The following CDCA8 variants were observed in gnomAD, a reference collection of about 807,000 sequenced individuals.
The protein encoded by CDCA8 is borealin.
Under a neutral mutation model 40.0 loss-of-function variants are expected in CDCA8, and 25 were observed. The ratio of observed to expected loss-of-function variants is 0.63; its 90% confidence interval spans 0.46 to 0.87. The LOEUF (loss-of-function observed/expected upper bound fraction) is 0.87. Among genes scored for constraint, CDCA8 ranks in the 40% least tolerant of loss-of-function variants. The pLI is 0.00. For missense variants in CDCA8, 280 were observed against 348.4 expected (o/e 0.80, Z 1.56); for synonymous variants, 111 against 126.5 (o/e 0.88, Z 0.82).
At chr1:37,703,954 A>T (rs183637869) in intron 7 of CDCA8, among the ~76,000 whole-genome samples, 1 of 152,162 alleles carries the variant, frequency 6.6e-6, no homozygotes, top group Non-Finnish European at 1.5e-5. Flanking sequence ...TTTTATTTTT[A>T]AAATATTTAT....
Position 37,705,514 on chromosome 1 carries a change from C to T in CDCA8, c.658C>T (p.Pro220Ser), listed in dbSNP as rs745560335. ...RIYNISGNGSPLADSKEIFLT... is the reference protein window; with the variant it reads ...RIYNISGNGSSLADSKEIFLT... ...TTACAACATCTCAGGGAATGGCAGC[C>T]CTCTTGCTGACAGCAAAGAGATCTT... The change falls in exon 8 of 10, where the codon CCT (proline) becomes TCT (serine). Residue 220 changes from proline (P) to serine (S), a missense_variant. Transcript: ENST00000373055. 3 of 1,613,860 alleles carry T rather than the reference C, an allele frequency of 1.9e-6. No homozygotes were observed. Among genetic ancestry groups the T allele is most frequent in the East Asian group, 2.2e-5 (1 of 44,882 alleles).
At chr1:37,705,687 C>T in intron 8 of CDCA8, 120 bp downstream of exon 8, 3 of 1,150,228 alleles carry the variant, frequency 2.6e-6, no homozygotes, top group East Asian at 2.5e-5. Flanking sequence ...TCCTGATCTC[C>T]ACACTTCTGC....
chr1:37,701,427 G>A (rs998262410), intron 5 of CDCA8, among the ~76,000 whole-genome samples: 1 of 152,152 alleles, frequency 6.6e-6, no homozygotes, highest in Non-Finnish European at 1.5e-5. Context: ...CCTTTGATTG[G>A]GCACCTGGGA....
At chr1:37,705,117 C>T (rs751163942) in intron 7 of CDCA8, among the ~76,000 whole-genome samples, 7 of 152,178 alleles carry the variant, frequency 4.6e-5, no homozygotes, top group South Asian at 2.1e-4. Context: ...GAAGCAGCCA[C>T]GCCTGGAAAC....
chr1:37,702,200 C>T lies in CDCA8; in HGVS notation c.488+382C>T, dbSNP rs1052622366. Among the ~76,000 whole-genome samples, 11 of 151,774 alleles carry T rather than the reference C, an allele frequency of 7.2e-5. No homozygotes were observed. The East Asian group carries it at 7.7e-4, about 11-fold the overall frequency. ...GGATTATAGGCATGTGCCACCATGC[C>T]GGCTAATTTTGTATTTTTAGTAGAT... On this transcript the variant is annotated intron_variant, in intron 6 of 9. Transcript: ENST00000373055.
chr1:37,700,278 C>T (rs1038720109), intron 4 of CDCA8, among the ~76,000 whole-genome samples, 158 bp from the exon 5 acceptor site: 1 of 152,220 alleles, frequency 6.6e-6, no homozygotes, highest in Admixed American at 6.5e-5. Flanking sequence ...GGTTAGTTTC[C>T]TTTGTCTAAA....
At chr1:37,701,843 T>A in intron 6 of CDCA8, 25 bp downstream of exon 6, 2 of 1,585,678 alleles carry the variant, frequency 1.3e-6, no homozygotes, top group Non-Finnish European at 1.7e-6. Context: ...AAAGTTGTGG[T>A]GTTTTGGGTT....
intron 8 of CDCA8, 67 bp from the exon 9 acceptor site, chr1:37,706,911 C>T: frequency 1.6e-6 from 2 of 1,235,714 alleles, no homozygotes; most frequent in South Asian, 1.2e-5. Context: ...TGCAGGATAT[C>T]AGGGGAACCT....
At chr1:37,704,868 G>C (rs760877824) in intron 7 of CDCA8, among the ~76,000 whole-genome samples, 1 of 151,616 alleles carries the variant, frequency 6.6e-6, no homozygotes. Context: ...GGCTGGTCTC[G>C]AACTCCTGAC....
chr1:37,700,605 A>G, intron 5 of CDCA8, 84 bp downstream of exon 5: 1 of 822,426 alleles, frequency 1.2e-6, no homozygotes, highest in Non-Finnish European at 2.1e-6. Flanking sequence ...TGTACACCAG[A>G]GCTCACAGTT....
At chr1:37,695,106 T>G in intron 2 of CDCA8, among the ~76,000 whole-genome samples, 1 of 152,122 alleles carries the variant, frequency 6.6e-6, no homozygotes, top group Non-Finnish European at 1.5e-5. Context: ...ATTCCAGCAC[T>G]TTGGGAGGCC....
In CDCA8 at chr1:37,696,253, A is replaced by C. The variant is rs1225794233; in HGVS notation, c.264+303A>C. ...AAGCGCCTGAGTCATTACACTATGC[A>C]TTGGCCTGCTAGATGATAAAGGTGT... On this transcript the variant is annotated intron_variant, in intron 3 of 9. Coordinates refer to ENST00000373055, the MANE Select transcript of CDCA8 (RefSeq NM_001256875.2). The surrounding 1 kb of genome is among the most constrained non-coding windows in gnomAD (Gnocchi z 5.0). 6.6e-6 allele frequency among the ~76,000 whole-genome samples: 1 copy of C among 152,170 alleles called. No homozygotes were observed. Among genetic ancestry groups the C allele is most frequent in the African/African-American group, 2.4e-5 (1 of 41,436 alleles).
chr1:37,701,098 G>A (rs943191844), intron 5 of CDCA8, among the ~76,000 whole-genome samples: 3 of 152,146 alleles, frequency 2.0e-5, no homozygotes, highest in Non-Finnish European at 4.4e-5. Context: ...AGGACATCTA[G>A]GCTAGACAGA....
chr1:37,704,994 C>T (rs186577713), intron 7 of CDCA8, among the ~76,000 whole-genome samples: 1 of 152,252 alleles, frequency 6.6e-6, no homozygotes, highest in Non-Finnish European at 1.5e-5. Flanking sequence ...GAATATGTAA[C>T]AAAAGGCATT....
chr1:37,694,840 A>T (rs552075055), intron 2 of CDCA8, among the ~76,000 whole-genome samples: 3 of 152,364 alleles, frequency 2.0e-5, no homozygotes, highest in Non-Finnish European at 4.4e-5. Flanking sequence ...AGGAGGTTCT[A>T]ACCTAACTTT....
chr1:37,699,244 GA>G (rs201072094), intron 4 of CDCA8, among the ~76,000 whole-genome samples: 1 of 151,876 alleles, frequency 6.6e-6, no homozygotes. Context: ...AAATGAAAGT[GA>G]AAAAAGGGGG....
rs1645619082 is a variant in CDCA8 at position 37,708,673 on chromosome 1, C to T, written c.*307C>T. On this transcript the variant is annotated 3_prime_UTR_variant, in exon 10 of 10. Transcript: ENST00000373055. ...CCTTTTGCCTCCTGCAACTCAACAT[C>T]CTCTTCACCCTGCCCTGCCTGCAGT... is the stretch of plus-strand genomic sequence containing the variant. The T allele has an allele frequency of 2.4e-6, 1 of 421,808 alleles. No homozygotes were observed. The highest frequency in any genetic ancestry group is 4.4e-6 in the Non-Finnish European group (1 of 227,250). 26.1% of individuals were successfully genotyped at this position (421,808 alleles called of 1,614,324 possible). A position where few individuals can be genotyped will look rare whatever the true frequency, so the allele number is the denominator to read the frequency against.
intron 6 of CDCA8, among the ~76,000 whole-genome samples, chr1:37,702,049 T>C (rs893894616): frequency 1.9e-4 from 28 of 150,686 alleles, no homozygotes; most frequent in Middle Eastern, 3.4e-3. Context: ...TTTTTTTTTT[T>C]TTTTTTTTGA....
At chr1:37,694,729 C>T (rs907156695) in intron 2 of CDCA8, among the ~76,000 whole-genome samples, 1 of 152,152 alleles carries the variant, frequency 6.6e-6, no homozygotes, top group African/African-American at 2.4e-5. Flanking sequence ...TGCTCAAGGC[C>T]TCATAAGCTA....
Sources: gnomAD v4.1 joint callset for allele counts (sites outside exome capture counted in the v4.1 genomes callset) on GRCh38, gnomAD v4.1.1 for gene constraint, Gnocchi (gnomAD v3.1) non-coding constraint, MANE v1.5 for transcripts, NCBI Gene and HGNC (gene_info 2026-07-23, HGNC 2026-07-21) for gene names.